PTPRD: variants seen among roughly 807,000 people sequenced by gnomAD.
PTPRD encodes the protein receptor-type tyrosine-protein phosphatase delta.
Under a neutral mutation model 214.5 loss-of-function variants are expected in PTPRD, and 34 were observed. The observed-to-expected ratio is 0.16, with a 90% CI of 0.12 to 0.21. The LOEUF is 0.21. Among genes scored for constraint, PTPRD ranks in the 10% least tolerant of loss-of-function variants. PTPRD has a pLI of 1.00. For synonymous variants in PTPRD, 1,128 were observed against 845.7 expected, an observed-to-expected ratio of 1.33 and a Z score of -5.79; for missense variants, 2,545 against 2,398.7, an observed-to-expected ratio of 1.06 and a Z score of -1.27.
chr9:9,573,767 G>A (rs138547451), intron 8 of PTPRD, among the ~76,000 whole-genome samples: 76 of 151,860 alleles, frequency 5.0e-4, no homozygotes, highest in African/African-American at 1.5e-3. Context: ...CCTCCTATAT[G>A]ACACTTGTTT....
chr9:8,534,299 G>T (rs778607553), intron 14 of PTPRD, among the ~76,000 whole-genome samples: 1 of 151,736 alleles, frequency 6.6e-6, no homozygotes, highest in Non-Finnish European at 1.5e-5. Flanking sequence ...AATAGAACAC[G>T]TATCTATATT....
intron 2 of PTPRD, among the ~76,000 whole-genome samples, chr9:10,414,098 G>A (rs1029281168): frequency 1.3e-5 from 2 of 151,888 alleles, no homozygotes; most frequent in African/African-American, 2.4e-5. Flanking sequence ...AGCAAAAATT[G>A]ACAAATGGGA....
intron 11 of PTPRD, among the ~76,000 whole-genome samples, chr9:8,838,929 A>G (rs903607193): frequency 4.6e-5 from 7 of 152,156 alleles, no homozygotes; most frequent in African/African-American, 1.4e-4. Context: ...AAAACCATCA[A>G]CAGATTTGAC....
chr9:8,593,596 A>T (rs1229718560), intron 14 of PTPRD, among the ~76,000 whole-genome samples: 1 of 152,236 alleles, frequency 6.6e-6, no homozygotes, highest in East Asian at 1.9e-4. Flanking sequence ...TGTGGAGTAG[A>T]CAGTGATATC....
At chr9:9,161,132 C>T (rs535093162) in intron 10 of PTPRD, among the ~76,000 whole-genome samples, 15 of 151,930 alleles carry the variant, frequency 9.9e-5, no homozygotes, top group Admixed American at 2.6e-4. Context: ...CTCTATTGCA[C>T]GGCAGGGTGA....
At chr9:9,719,943 C>A (rs76535588) in intron 7 of PTPRD, among the ~76,000 whole-genome samples, 1,582 of 152,316 alleles carry the variant, frequency 0.01, 20 homozygotes, top group African/African-American at 0.036. Context: ...ACATGACTAA[C>A]TGTGTGCACT....
At chr9:8,536,519 C>A (rs894049142) in intron 14 of PTPRD, among the ~76,000 whole-genome samples, 1 of 151,932 alleles carries the variant, frequency 6.6e-6, no homozygotes, top group Non-Finnish European at 1.5e-5. Context: ...CTAGAAGAGA[C>A]AGAATTCTGC....
chr9:9,959,666 G>C (rs995990354), intron 4 of PTPRD, among the ~76,000 whole-genome samples: 3 of 152,100 alleles, frequency 2.0e-5, no homozygotes, highest in Non-Finnish European at 4.4e-5. Flanking sequence ...GGCAAAAGGA[G>C]GTGCACAAAA....
At chr9:8,570,533 TAA>T (rs1442964948) in intron 14 of PTPRD, among the ~76,000 whole-genome samples, 18 of 152,238 alleles carry the variant, frequency 1.2e-4, no homozygotes, top group African/African-American at 4.3e-4. Context: ...TAAATACACT[TAA>T]GAGAGGTAGG....
chr9:10,431,256 C>T (rs144972619), intron 2 of PTPRD, among the ~76,000 whole-genome samples: 2,378 of 152,138 alleles, frequency 0.016, 37 homozygotes, highest in Non-Finnish European at 0.022. Flanking sequence ...AACTGGATCC[C>T]TTCCTTACAC....
intron 12 of PTPRD, among the ~76,000 whole-genome samples, chr9:8,655,860 G>C (rs931051387): frequency 2.0e-5 from 3 of 150,822 alleles, no homozygotes; most frequent in Non-Finnish European, 2.9e-5. Context: ...CCATTAAATA[G>C]ACAGTGCTAT....
At chr9:9,955,164 C>G (rs1379919481) in intron 4 of PTPRD, among the ~76,000 whole-genome samples, 2 of 152,122 alleles carry the variant, frequency 1.3e-5, no homozygotes, top group African/African-American at 4.8e-5. Flanking sequence ...TAAGCACTGT[C>G]AGCAAACAAA....
At chr9:8,918,075 G>T (rs945990790) in intron 11 of PTPRD, among the ~76,000 whole-genome samples, 1 of 152,094 alleles carries the variant, frequency 6.6e-6, no homozygotes, top group African/African-American at 2.4e-5. Flanking sequence ...GAATACAGGG[G>T]AACCTCTACC....
rs552705115 is a variant in PTPRD, at chr9:8,531,541, A to G, written c.353-2762T>C. On this transcript the variant is annotated intron_variant, in intron 14 of 45. Coordinates refer to ENST00000381196, the MANE Select transcript of PTPRD (RefSeq NM_002839.4). ...CCGCCTTCATAAAAATGAGTTTCTGAAAAAGCTCTTAGATTTTGTTGTTGT... is the reference window on the plus strand; with the variant it reads ...CCGCCTTCATAAAAATGAGTTTCTGGAAAAGCTCTTAGATTTTGTTGTTGT... Among the ~76,000 whole-genome samples, 7 of 152,214 alleles carry G rather than the reference A, an allele frequency of 4.6e-5. No homozygotes were observed. The East Asian group carries it at 9.7e-4, about 21-fold the overall frequency.
chr9:8,512,088 A>G (rs2097694159), intron 21 of PTPRD, among the ~76,000 whole-genome samples: 1 of 152,126 alleles, frequency 6.6e-6, no homozygotes. Context: ...AAATATGACC[A>G]AAGATACTAG....
intron 4 of PTPRD, among the ~76,000 whole-genome samples, chr9:9,985,281 T>C (rs556107155): frequency 6.6e-6 from 1 of 152,210 alleles, no homozygotes; most frequent in African/African-American, 2.4e-5. Context: ...AAAGTTTTCT[T>C]ATATTCTATA....
intron 12 of PTPRD, among the ~76,000 whole-genome samples, chr9:8,652,845 T>A (rs1374781846): frequency 6.6e-6 from 1 of 152,300 alleles, no homozygotes; most frequent in South Asian, 2.1e-4. Context: ...CACATGAGAT[T>A]CTAGATGAAT....
At chr9:10,194,473 A>G (rs1164097555) in intron 3 of PTPRD, among the ~76,000 whole-genome samples, 1 of 151,470 alleles carries the variant, frequency 6.6e-6, no homozygotes, top group African/African-American at 2.4e-5. Context: ...AGAATTGTTT[A>G]TTGATCAGGA....
intron 8 of PTPRD, among the ~76,000 whole-genome samples, chr9:9,408,924 G>A (rs1268876555): frequency 6.6e-6 from 1 of 151,776 alleles, no homozygotes; most frequent in African/African-American, 2.4e-5. Context: ...TGGTGTGTTA[G>A]AGACTTTTTA....
Sources: gnomAD v4.1 joint callset for allele counts (sites outside exome capture counted in the v4.1 genomes callset) on GRCh38, gnomAD v4.1.1 for gene constraint, MANE v1.5 for transcripts, NCBI Gene and HGNC (gene_info 2026-07-23, HGNC 2026-07-21) for gene names.